The following MAP3K14 variants were observed in gnomAD, a reference collection of about 807,000 sequenced individuals.
The protein encoded by MAP3K14 is mitogen-activated protein kinase kinase kinase 14, also known as NF-kappa-beta-inducing kinase.
Under a neutral mutation model 99.2 loss-of-function variants are expected in MAP3K14, and 16 were observed. That is an observed-to-expected ratio of 0.16 (90% CI 0.11 to 0.24). The LOEUF is 0.24. Among genes scored for constraint, MAP3K14 ranks in the 10% least tolerant of loss-of-function variants. The pLI, the probability that MAP3K14 is intolerant of heterozygous loss-of-function variation, is 1.00. For synonymous variants in MAP3K14, 462 were observed against 492.4 expected (o/e 0.94, Z 0.82); for missense variants, 784 against 1,208.7 (o/e 0.65, Z 5.21).
intron 6 of MAP3K14, among the ~76,000 whole-genome samples, chr17:45,280,571 C>T (rs34198001): frequency 0.038 from 5,826 of 151,996 alleles, 171 homozygotes; most frequent in East Asian, 0.11. Flanking sequence ...TCTCAAAGTG[C>T]TGGGATTACA....
At chr17:45,310,786 C>A (rs2044470149) in intron 1 of MAP3K14, among the ~76,000 whole-genome samples, 1 of 152,160 alleles carries the variant, frequency 6.6e-6, no homozygotes, top group African/African-American at 2.4e-5. Context: ...GTGTGGGCAA[C>A]CTTTGAGACT....
At chr17:45,309,009 C>A (rs2044451286) in intron 1 of MAP3K14, among the ~76,000 whole-genome samples, 1 of 151,954 alleles carries the variant, frequency 6.6e-6, no homozygotes, top group African/African-American at 2.4e-5. Flanking sequence ...GGAGGTGGAT[C>A]TCACTATGTT....
rs749327442 is a variant in MAP3K14, at chr17:45,273,622, C to CG, written c.1553-16dup. On this transcript the variant is annotated splice_polypyrimidine_tract_variant and intron_variant, in intron 8 of 15. Transcript: ENST00000344686. The stretch of plus-strand genomic sequence containing the variant: ...CACGTTGTCAGCTGCCAGGCCGCCC[C>CG]GGGGAGGAAGAGGAACAGGTGAGTC... 2 of 1,599,860 alleles carry CG rather than the reference C, an allele frequency of 1.3e-6. No individual in the cohort carries two copies. The highest frequency in any genetic ancestry group is 1.1e-5 in the South Asian group (1 of 89,234).
chr17:45,269,250 G>C (rs1451837922), intron 11 of MAP3K14, among the ~76,000 whole-genome samples: 1 of 152,054 alleles, frequency 6.6e-6, no homozygotes, highest in African/African-American at 2.4e-5. Flanking sequence ...GGCCTCAAGC[G>C]ATCCTCCTGC....
chr17:45,271,784 T>TA (rs1396578603), intron 9 of MAP3K14, among the ~76,000 whole-genome samples: 5 of 152,198 alleles, frequency 3.3e-5, no homozygotes, highest in African/African-American at 1.2e-4. Context: ...ACCAAACCCT[T>TA]AAAGTGTTTT....
intron 6 of MAP3K14, among the ~76,000 whole-genome samples, chr17:45,277,143 TC>T (rs2044187097): frequency 2.0e-5 from 3 of 152,130 alleles, no homozygotes; most frequent in African/African-American, 7.2e-5. Flanking sequence ...GGCTTCTTCT[TC>T]TTTTTTTTAA....
In MAP3K14 at chr17:45,273,623, G is replaced by A. The variant is rs767596758; in HGVS notation, c.1553-16C>T. The A allele has an allele frequency of 1.3e-5, 20 of 1,597,460 alleles. No homozygotes were observed. Among genetic ancestry groups the A allele is most frequent in the Middle Eastern group, 1.6e-4 (1 of 6,062 alleles). On this transcript the variant is annotated splice_polypyrimidine_tract_variant and intron_variant, in intron 8 of 15. Transcript: ENST00000344686. ...ACGTTGTCAGCTGCCAGGCCGCCCC[G>A]GGGAGGAAGAGGAACAGGTGAGTCA...
At chr17:45,309,701 C>A (rs886138667) in intron 1 of MAP3K14, among the ~76,000 whole-genome samples, 6 of 152,184 alleles carry the variant, frequency 3.9e-5, no homozygotes, top group Admixed American at 1.3e-4. Context: ...TAACTGCACC[C>A]CAGCAAGCAG....
intron 11 of MAP3K14, among the ~76,000 whole-genome samples, chr17:45,269,333 G>A (rs916310080): frequency 6.6e-6 from 1 of 152,066 alleles, no homozygotes; most frequent in Non-Finnish European, 1.5e-5. Flanking sequence ...TGTATTCTTG[G>A]ATTCCTAGTG....
chr17:45,276,517 CT>C (rs72228695), intron 6 of MAP3K14, among the ~76,000 whole-genome samples: 22,963 of 146,660 alleles, frequency 0.16, 1,796 homozygotes, highest in African/African-American at 0.21. Flanking sequence ...TGACTTAGAC[CT>C]TTTTTTTTTT....
chr17:45,289,146 G>C (rs17846852), intron 3 of MAP3K14, 90 bp downstream of exon 3: 1 of 1,145,542 alleles, frequency 8.7e-7, no homozygotes, highest in South Asian at 1.3e-5. Flanking sequence ...GGGAGCCCGG[G>C]GTCAGCAGGA....
chr17:45,315,873 A>G (rs980200540), intron 1 of MAP3K14, among the ~76,000 whole-genome samples: 32 of 152,340 alleles, frequency 2.1e-4, no homozygotes, highest in African/African-American at 7.5e-4. Context: ...TGAAGACACT[A>G]AGCAAAAAAC....
At chr17:45,304,977 C>T (rs2044419736) in intron 1 of MAP3K14, among the ~76,000 whole-genome samples, 1 of 152,174 alleles carries the variant, frequency 6.6e-6, no homozygotes, top group South Asian at 2.1e-4. Context: ...CAGTGCCTGG[C>T]ATGCAGTGGG....
chr17:45,314,619 GAAAA>G (rs1018236244), intron 1 of MAP3K14, among the ~76,000 whole-genome samples: 1 of 139,706 alleles, frequency 7.2e-6, no homozygotes, highest in Non-Finnish European at 1.6e-5. Flanking sequence ...CTTTTGCCAG[GAAAA>G]AAAAAAAAAC....
rs759259690 is a variant in MAP3K14, at chr17:45,265,152, G to GC, written c.2679+10dup. 6.2e-6 allele frequency: 10 copies of GC among 1,607,082 alleles called. No individual in the cohort carries two copies. Among genetic ancestry groups the GC allele is most frequent in the South Asian group, 4.4e-5 (4 of 90,960 alleles). ...GGACTCTGCCCGTCAGAGTGTACCT[G>GC]CCCCCCTTACCTGGCTGCTGATGCC... On this transcript the variant is annotated intron_variant, in intron 15 of 15. Coordinates refer to ENST00000344686, the MANE Select transcript of MAP3K14 (RefSeq NM_003954.5).
rs201461982 is a variant in MAP3K14, at chr17:45,275,764, T to C, written c.1291-1171A>G. On this transcript the variant is annotated intron_variant, in intron 6 of 15. Transcript: ENST00000344686. ...CATTTTTTTTTCTTTTCTTTTCTTTTTTTTTTTTTTTTTTGAGACAGAGGT... is the reference window on the plus strand; with the variant it reads ...CATTTTTTTTTCTTTTCTTTTCTTTCTTTTTTTTTTTTTTGAGACAGAGGT... Among the ~76,000 whole-genome samples, 16 of 145,948 alleles carry C rather than the reference T, an allele frequency of 1.1e-4. No homozygotes were observed. The East Asian group carries it at 1.1e-3, about 10-fold the overall frequency.
rs560135745 is a variant in MAP3K14, at chr17:45,288,670, C to G, written c.326+566G>C. 2.6e-5 allele frequency among the ~76,000 whole-genome samples: 4 copies of G among 152,238 alleles called. 1 individual carries two copies. In the South Asian group the frequency reaches 8.3e-4, roughly 32 times the overall value. On this transcript the variant is annotated intron_variant, in intron 3 of 15. Transcript: ENST00000344686. ...GGATTATAGGTGAGAGCCATTGTGC[C>G]CAGCACTTGAACTCTTGTTTCAAAA...
At chr17:45,302,268 A>C (rs1285822765) in intron 1 of MAP3K14, among the ~76,000 whole-genome samples, 1 of 150,908 alleles carries the variant, frequency 6.6e-6, no homozygotes, top group Non-Finnish European at 1.5e-5. Flanking sequence ...ATCTCCCTCT[A>C]CTGATTTTCT....
chr17:45,316,149 C>T (rs1480365993), intron 1 of MAP3K14, among the ~76,000 whole-genome samples: 1 of 152,198 alleles, frequency 6.6e-6, no homozygotes, highest in Non-Finnish European at 1.5e-5. Flanking sequence ...CTCATTCATA[C>T]CTCCAGTCCA....
Sources: allele counts gnomAD v4.1 joint callset (sites outside exome capture counted in the v4.1 genomes callset), GRCh38; gene constraint gnomAD v4.1.1; transcripts MANE v1.5; gene names NCBI Gene and HGNC (gene_info 2026-07-23, HGNC 2026-07-21).